CACHD1: variants seen among roughly 807,000 people sequenced by gnomAD.
CACHD1 encodes cache domain containing 1.
CACHD1 carries 71 observed loss-of-function variants against 138.7 expected under a neutral mutation model. The ratio of observed to expected loss-of-function variants is 0.51; its 90% CI spans 0.42 to 0.62. The LOEUF (loss-of-function observed/expected upper bound fraction) is 0.62. Among genes scored for constraint, CACHD1 ranks in the 20% least tolerant of loss-of-function variants. CACHD1 has a pLI of 0.00. For missense variants in CACHD1, 1,389 were observed against 1,625.3 expected (o/e 0.85, Z 2.50); for synonymous variants, 578 against 591.5 (o/e 0.98, Z 0.33).
At chr1:64,669,403 CA>C (rs1557549072) in intron 16 of CACHD1, among the ~76,000 whole-genome samples, 1 of 152,208 alleles carries the variant, frequency 6.6e-6, no homozygotes, top group Non-Finnish European at 1.5e-5. Context: ...TGTCATGAAG[CA>C]GTCCCATGAA....
chr1:64,608,068 C>G (rs762591739), intron 4 of CACHD1, among the ~76,000 whole-genome samples: 3 of 151,934 alleles, frequency 2.0e-5, no homozygotes, highest in Non-Finnish European at 2.9e-5. Flanking sequence ...AAGACCAGAT[C>G]TTGAATTTTT....
At chr1:64,621,599 CA>C (rs1647917378) in intron 4 of CACHD1, among the ~76,000 whole-genome samples, 1 of 152,104 alleles carries the variant, frequency 6.6e-6, no homozygotes, top group African/African-American at 2.4e-5. Flanking sequence ...CGAGAGTGGT[CA>C]GGGGAGGATC....
At chr1:64,515,817 G>A (rs1459980480) in intron 1 of CACHD1, among the ~76,000 whole-genome samples, 1 of 152,150 alleles carries the variant, frequency 6.6e-6, no homozygotes, top group African/African-American at 2.4e-5. Flanking sequence ...ATTATAGAAA[G>A]GTGGCTGGGA....
intron 2 of CACHD1, among the ~76,000 whole-genome samples, chr1:64,555,013 A>T (rs1646785886): frequency 6.6e-6 from 1 of 152,110 alleles, no homozygotes; most frequent in Non-Finnish European, 1.5e-5. Flanking sequence ...GTTTTGAGAT[A>T]GGGTTTTGCT....
chr1:64,673,413 C>CTTT lies in CACHD1; in HGVS notation c.2678_2679insTTT (p.Phe893dup). 6.2e-7 allele frequency: 1 copy of CTTT among 1,614,182 alleles called. No individual in the cohort carries two copies. The highest frequency in any genetic ancestry group is 8.5e-7 in the Non-Finnish European group (1 of 1,180,016). On this transcript the variant is annotated inframe_insertion, in exon 19 of 27. Coordinates refer to ENST00000651257, the MANE Select transcript of CACHD1 (RefSeq NM_020925.4). The stretch of plus-strand genomic sequence containing the variant: ...TTGTAAAGAAAAACCTGTGCAACAG[C>CTTT]TTCAGTGACAGAACGGTCCAGAGGT...
At chr1:64,652,385 A>C in intron 10 of CACHD1, 75 bp downstream of exon 10, 1 of 1,313,068 alleles carries the variant, frequency 7.6e-7, no homozygotes, top group Non-Finnish European at 1.0e-6. Context: ...TATTCTACAA[A>C]CAAAATAGGA....
rs949457756 is a variant in CACHD1 at position 64,470,696 on chromosome 1, C to T, written c.-49C>T. The T allele has an allele frequency of 6.3e-6, 3 of 479,182 alleles. No homozygotes were observed. The highest frequency in any genetic ancestry group is 1.1e-5 in the Non-Finnish European group (3 of 278,336). 29.7% of individuals were successfully genotyped at this position (479,182 alleles called of 1,614,324 possible). A position where few individuals can be genotyped will look rare whatever the true frequency, so the allele number is the denominator to read the frequency against. ...TTTTGCGGGGGGCACCTCCCGCGGC[C>T]CGCTTCCCCGCGCCCGGAGCCCGTC... On this transcript the variant is annotated 5_prime_UTR_variant, in exon 1 of 27. Coordinates refer to ENST00000651257, the MANE Select transcript of CACHD1 (RefSeq NM_020925.4). The surrounding 1 kb of genome is among the most constrained non-coding windows in gnomAD (Gnocchi z 5.2).
At position 64,692,967 on chromosome 1, in the gene CACHD1, G is replaced by C. The variant is rs1650611005; in HGVS notation, c.*1406G>C. The stretch of plus-strand genomic sequence containing the variant: ...AAACAATTGGTTCTTCAGCAGTACA[G>C]AAAGTAAACTATATATGTGCTATCA... On this transcript the variant is annotated 3_prime_UTR_variant, in exon 27 of 27. Transcript: ENST00000651257. The C allele has an allele frequency of 6.6e-6, 1 of 152,646 alleles. No homozygotes were observed. Among genetic ancestry groups the C allele is most frequent in the South Asian group, 2.1e-4 (1 of 4,832 alleles). 9.5% of individuals were successfully genotyped at this position (152,646 alleles called of 1,614,324 possible).
At position 64,510,542 on chromosome 1, in the gene CACHD1, T is replaced by G. The variant is rs561250801; in HGVS notation, c.198+39600T>G. Among the ~76,000 whole-genome samples the G allele has an allele frequency of 5.3e-5, 8 of 152,288 alleles. No homozygotes were observed. In the South Asian group the frequency reaches 1.7e-3, roughly 32 times the overall value. On this transcript the variant is annotated intron_variant, in intron 1 of 26. Coordinates refer to ENST00000651257, the MANE Select transcript of CACHD1 (RefSeq NM_020925.4). Reference sequence around the variant, plus strand: ...ACAGTCGCCTTTCAGCAAGGTTGTTTAGGTAGCTTAATCTCCTGGGCAATG... The same window carrying G: ...ACAGTCGCCTTTCAGCAAGGTTGTTGAGGTAGCTTAATCTCCTGGGCAATG...
At chr1:64,512,509 G>A (rs1014545606) in intron 1 of CACHD1, among the ~76,000 whole-genome samples, 16 of 151,604 alleles carry the variant, frequency 1.1e-4, no homozygotes, top group African/African-American at 1.9e-4. Context: ...TACTTTGAAT[G>A]GAGAGAGGCT....
chr1:64,673,581 A>G lies in CACHD1; in HGVS notation c.2727+117A>G, dbSNP rs1005313050. ...ACCTGTTTCATCGCCTTAGAACTAT[A>G]GAATGATAGGAGGAGACAGGAGCTT... is the stretch of plus-strand genomic sequence containing the variant. On this transcript the variant is annotated intron_variant, in intron 19 of 26. Transcript: ENST00000651257. 5.9e-6 allele frequency: 5 copies of G among 851,302 alleles called. No individual in the cohort carries two copies. In the African/African-American group the frequency reaches 8.4e-5, roughly 14 times the overall value. 52.7% of individuals were successfully genotyped at this position (851,302 alleles called of 1,614,324 possible).
chr1:64,644,199 G>T (rs79679314), intron 8 of CACHD1, among the ~76,000 whole-genome samples: 2,823 of 152,322 alleles, frequency 0.019, 80 homozygotes, highest in African/African-American at 0.065. Flanking sequence ...ACCACCTGTT[G>T]CTCTTTTCTC....
intron 19 of CACHD1, 124 bp downstream of exon 19, chr1:64,673,588 T>C (rs1649890627): frequency 1.2e-6 from 1 of 816,062 alleles, no homozygotes; most frequent in Middle Eastern, 2.4e-4. Flanking sequence ...TATAGAATGA[T>C]AGGAGGAGAC....
intron 20 of CACHD1, 66 bp downstream of exon 20, chr1:64,675,627 A>G: frequency 6.5e-7 from 1 of 1,527,098 alleles, no homozygotes; most frequent in Non-Finnish European, 9.0e-7. Flanking sequence ...GATGTCAGGC[A>G]TTTTGAAGTG....
At position 64,658,794 on chromosome 1, in the gene CACHD1, C is replaced by T. The variant is rs1649346728; in HGVS notation, c.1872C>T (p.Ser624=). The change falls in exon 13 of 27, where the codon AGC becomes AGT. Residue 624 remains serine, a synonymous_variant. Coordinates refer to ENST00000651257, the MANE Select transcript of CACHD1 (RefSeq NM_020925.4). ...TGAAGAACCTCAACACTGTTCCCAG[C>T]AGCAAGCTGCTGTACCACCGGCTGG... The part of the protein sequence containing the change: ...KQLKNLNTVP[S]SKLLYHRLDL... 6 of 1,604,750 alleles carry T rather than the reference C, an allele frequency of 3.7e-6. No homozygotes were observed. The highest frequency in any genetic ancestry group is 5.1e-6 in the Non-Finnish European group (6 of 1,174,424).
In CACHD1 at chr1:64,606,493, G is replaced by A. The variant is rs146023735; in HGVS notation, c.517+3581G>A. 2.1e-4 allele frequency among the ~76,000 whole-genome samples: 32 copies of A among 152,240 alleles called. 1 individual carries two copies. The East Asian group carries it at 5.8e-3, about 28-fold the overall frequency. ...GGCCAGAGAGGCAGTCGGGGGCCAG[G>A]TCACCAAGAGCCTTATTTTACTGGC... is the stretch of plus-strand genomic sequence containing the variant. On this transcript the variant is annotated intron_variant, in intron 4 of 26. Transcript: ENST00000651257.
In CACHD1 at chr1:64,634,147, C is replaced by T; in HGVS notation, c.893C>T (p.Ser298Phe). 6.2e-7 allele frequency: 1 copy of T among 1,613,698 alleles called. No homozygotes were observed. The change falls in exon 7 of 27, where the codon TCC (serine) becomes TTC (phenylalanine). Residue 298 changes from serine (S) to phenylalanine (F), a missense_variant. Ser to Phe is a radical substitution (Grantham distance 155). Around this residue, in one of 5 missense-constraint regions of CACHD1, gnomAD observed 1,000 missense variants for 1,114.7 expected, o/e 0.90. Coordinates refer to ENST00000651257, the MANE Select transcript of CACHD1 (RefSeq NM_020925.4). ...PATSETKRKM[S>F]TFVSSVKSSD... is the part of the protein sequence containing the mutation. The stretch of plus-strand genomic sequence containing the variant: ...ACCAGTGAGACAAAAAGGAAAATGT[C>T]CACCTTTGTTAGCAGCGTGAAGTCT...
intron 20 of CACHD1, 113 bp downstream of exon 20, chr1:64,675,674 A>G (rs1371240957): frequency 6.8e-6 from 9 of 1,327,166 alleles, no homozygotes; most frequent in African/African-American, 1.4e-5. Flanking sequence ...TGTCCTGAAG[A>G]AAAGTCACAG....
At chr1:64,552,482 T>G (rs1646766554) in intron 2 of CACHD1, among the ~76,000 whole-genome samples, 1 of 151,238 alleles carries the variant, frequency 6.6e-6, no homozygotes, top group African/African-American at 2.4e-5. Context: ...TTTTTTTTTT[T>G]TTTTTGAGAC....
Sources: gnomAD v4.1 joint callset for allele counts (sites outside exome capture counted in the v4.1 genomes callset) on GRCh38, gnomAD v4.1.1 for gene constraint, gnomAD v4.1.1 regional missense constraint, Gnocchi (gnomAD v3.1) non-coding constraint, MANE v1.5 for transcripts, NCBI Gene and HGNC (gene_info 2026-07-23, HGNC 2026-07-21) for gene names.